The following FKBP15 variants were observed in gnomAD, a reference collection of about 807,000 sequenced individuals.
The protein encoded by FKBP15 is FKBP prolyl isomerase family member 15, also known as FK506-binding protein 15.
In FKBP15, 106 loss-of-function variants were observed where a neutral mutation model predicts 158.1. That is an observed-to-expected ratio of 0.67 (90% CI 0.57 to 0.79). The LOEUF is 0.79. FKBP15 is among the 30% of genes least tolerant of loss of function. The probability of loss-of-function intolerance (pLI) is 0.00; values close to 1 mark genes in which losing one functional copy is unlikely to be tolerated. For missense variants in FKBP15, 1,287 were observed against 1,479.1 expected (o/e 0.87, Z 2.13); for synonymous variants, 547 against 548.6 (o/e 1.00, Z 0.04).
At chr9:113,179,849 C>CTAAGCTT (rs1249134110) in intron 19 of FKBP15, among the ~76,000 whole-genome samples, 4 of 152,038 alleles carry the variant, frequency 2.6e-5, no homozygotes, top group Non-Finnish European at 4.4e-5. Flanking sequence ...AACCTTTAGA[C>CTAAGCTT]TAAGCTTTAA....
At position 113,198,160 on chromosome 9, in the gene FKBP15, C is replaced by T. The variant is rs1410914286; in HGVS notation, c.717+695G>A. ...GCTCCTCCTGCTGCTGTCACAGTTG[C>T]CTTCTACAGTGATTGGAAAGTGCTG... On this transcript the variant is annotated intron_variant, in intron 8 of 27. Coordinates refer to ENST00000238256, the MANE Select transcript of FKBP15 (RefSeq NM_015258.2). This position sits in a 1 kb window ranked among gnomAD's most constrained non-coding sequence, Gnocchi z 5.2. Among the ~76,000 whole-genome samples the T allele has an allele frequency of 6.6e-6, 1 of 152,200 alleles. No individual in the cohort carries two copies. The highest frequency in any genetic ancestry group is 1.5e-5 in the Non-Finnish European group (1 of 68,030).
At chr9:113,188,334 A>G in intron 13 of FKBP15, 55 bp downstream of exon 13, 2 of 1,338,412 alleles carry the variant, frequency 1.5e-6, no homozygotes, top group Non-Finnish European at 2.1e-6. Context: ...AACAGTGACG[A>G]TAATTTTCAT....
chr9:113,211,636 A>C, intron 1 of FKBP15, 44 bp from the exon 2 acceptor site: 1 of 1,415,392 alleles, frequency 7.1e-7, no homozygotes, highest in Non-Finnish European at 9.7e-7. Flanking sequence ...GATATATCCC[A>C]AACCTGGAAT....
chr9:113,221,093 G>A, intron 1 of FKBP15, 98 bp downstream of exon 1: 2 of 1,322,352 alleles, frequency 1.5e-6, no homozygotes, highest in East Asian at 2.5e-5. Flanking sequence ...TCTCCCCCCG[G>A]AAGTTGGGAA....
In FKBP15 at chr9:113,215,605, C is replaced by T. The variant is rs200139955; in HGVS notation, c.54-4013G>A. Among the ~76,000 whole-genome samples the T allele has an allele frequency of 3.8e-4, 38 of 99,634 alleles. 1 individual carries two copies. Among genetic ancestry groups the T allele is most frequent in the Admixed American group, 2.3e-3 (19 of 8,222 alleles). 65.4% of individuals were successfully genotyped at this position (99,634 alleles called of 152,430 possible). ...ACATATGTGTGAATATATATGTGTG[C>T]GTGTGTGTGTGTGTGTGTGTATATA... is the stretch of plus-strand genomic sequence containing the variant. On this transcript the variant is annotated intron_variant, in intron 1 of 27. Transcript: ENST00000238256.
intron 11 of FKBP15, among the ~76,000 whole-genome samples, chr9:113,191,598 G>A (rs1342579063): frequency 6.7e-6 from 1 of 149,764 alleles, no homozygotes; most frequent in African/African-American, 2.4e-5. Context: ...AAATGAGGAA[G>A]CTCTCTATAC....
chr9:113,169,302 T>G lies in FKBP15; in HGVS notation c.3407A>C (p.Lys1136Thr), dbSNP rs1292217630. 6.2e-7 allele frequency: 1 copy of G among 1,614,058 alleles called. No homozygotes were observed. Among genetic ancestry groups the G allele is most frequent in the Non-Finnish European group, 8.5e-7 (1 of 1,179,896 alleles). Residue 1136 changes from lysine (K) to threonine (T), a missense_variant, in exon 26 of 28, where the codon AAG becomes ACG. Coordinates refer to ENST00000238256, the MANE Select transcript of FKBP15 (RefSeq NM_015258.2). Reference sequence around the variant, plus strand: ...ACCTGCCTCTGTGCTTGACAGCTCCTTGTGGGGACCGGTGGAGCTAGTGAC... The same window carrying G: ...ACCTGCCTCTGTGCTTGACAGCTCCGTGTGGGGACCGGTGGAGCTAGTGAC... ...DDVTSSTGPHKELSSTEAGST... is the reference protein window; with the variant it reads ...DDVTSSTGPHTELSSTEAGST...
chr9:113,192,235 TAGG>T (rs578038132), intron 11 of FKBP15, among the ~76,000 whole-genome samples: 121 of 152,306 alleles, frequency 7.9e-4, no homozygotes, highest in African/African-American at 2.9e-3. Flanking sequence ...CTTCTGGGTT[TAGG>T]AGATCACTTC....
chr9:113,194,144 G>C lies in FKBP15; in HGVS notation c.890C>G (p.Ser297Cys). The C allele has an allele frequency of 6.2e-7, 1 of 1,611,990 alleles. No homozygotes were observed. Among genetic ancestry groups the C allele is most frequent in the Non-Finnish European group, 8.5e-7 (1 of 1,178,750 alleles). The change falls in exon 10 of 28, where the codon TCT (serine) becomes TGT (cysteine). Residue 297 changes from serine (S) to cysteine (C), a missense_variant. By Grantham distance (112) the Ser-to-Cys change is moderately radical. Coordinates refer to ENST00000238256, the MANE Select transcript of FKBP15 (RefSeq NM_015258.2). Reference protein sequence around the residue: ...RRVKFARDSGSDGHSVSSRDS... With the variant: ...RRVKFARDSGCDGHSVSSRDS... ...GCGGGAACTAACACTGTGACCATCA[G>C]AGCCAGAATCTCTGGCAAACTTCAC...
At chr9:113,197,942 T>G (rs1249784209) in intron 8 of FKBP15, among the ~76,000 whole-genome samples, 2 of 152,198 alleles carry the variant, frequency 1.3e-5, no homozygotes, top group African/African-American at 4.8e-5. Context: ...CTGGGAAAAG[T>G]GGTCATGAAA....
intron 23 of FKBP15, among the ~76,000 whole-genome samples, chr9:113,173,088 T>TA (rs1419720798): frequency 2.6e-5 from 4 of 152,228 alleles, no homozygotes; most frequent in Non-Finnish European, 2.9e-5. Flanking sequence ...AACACCTATC[T>TA]TTGTTTCTTT....
chr9:113,207,329 C>G, intron 2 of FKBP15, 33 bp from the exon 3 acceptor site: 2 of 1,523,080 alleles, frequency 1.3e-6, no homozygotes, highest in South Asian at 2.3e-5. Flanking sequence ...AGTTGTCATT[C>G]ACTTCTTGCT....
chr9:113,207,384 G>T, intron 2 of FKBP15, 88 bp from the exon 3 acceptor site: 3 of 950,886 alleles, frequency 3.2e-6, no homozygotes, highest in Admixed American at 2.0e-5. Context: ...TTGTCACCCA[G>T]GCTGGAGTGC....
chr9:113,202,355 A>T (rs1830808320), intron 6 of FKBP15, among the ~76,000 whole-genome samples, 176 bp downstream of exon 6: 2 of 152,248 alleles, frequency 1.3e-5, no homozygotes, highest in African/African-American at 4.8e-5. Flanking sequence ...TTCAGTAAGT[A>T]TTCCTATTAT....
chr9:113,221,080 G>C (rs75463153), intron 1 of FKBP15, 111 bp downstream of exon 1: 1 of 1,194,862 alleles, frequency 8.4e-7, no homozygotes, highest in South Asian at 1.5e-5. Flanking sequence ...AATGTGGCAA[G>C]GGTCTCCCCC....
intron 1 of FKBP15, among the ~76,000 whole-genome samples, chr9:113,214,560 C>A (rs1831079942): frequency 6.6e-6 from 1 of 152,164 alleles, no homozygotes; most frequent in Non-Finnish European, 1.5e-5. Context: ...AGAGCACAGG[C>A]AGAGTAAATT....
At chr9:113,209,848 G>C (rs2118946616) in intron 2 of FKBP15, among the ~76,000 whole-genome samples, 1 of 152,296 alleles carries the variant, frequency 6.6e-6, no homozygotes, top group East Asian at 1.9e-4. Context: ...CCATTTTATA[G>C]AATGAAGTGT....
intron 1 of FKBP15, among the ~76,000 whole-genome samples, chr9:113,216,092 A>G (rs1831126751): frequency 6.7e-6 from 1 of 149,704 alleles, no homozygotes; most frequent in African/African-American, 2.5e-5. Flanking sequence ...TGAAAAAAAA[A>G]AAAAAAAAAA....
Position 113,171,916 on chromosome 9 carries a change from G to T in FKBP15, c.2533-210C>A, listed in dbSNP as rs555840896. Among the ~76,000 whole-genome samples the T allele has an allele frequency of 5.3e-3, 809 of 151,790 alleles. 2 individuals are homozygous for T. Among genetic ancestry groups the T allele is most frequent in the Admixed American group, 9.5e-3 (145 of 15,240 alleles). The stretch of plus-strand genomic sequence containing the variant: ...CACAATGTGCAGGTTTGATGCATAG[G>T]TATACATGTGCCATGTTGGTGTGCT... On this transcript the variant is annotated intron_variant, in intron 23 of 27. Transcript: ENST00000238256.
Sources: gnomAD v4.1 joint callset for allele counts (sites outside exome capture counted in the v4.1 genomes callset) on GRCh38, gnomAD v4.1.1 for gene constraint, Gnocchi (gnomAD v3.1) non-coding constraint, MANE v1.5 for transcripts, NCBI Gene and HGNC (gene_info 2026-07-23, HGNC 2026-07-21) for gene names.